MEI4: variants seen among roughly 807,000 people sequenced by gnomAD.
MEI4 encodes meiosis-specific protein MEI4.
A neutral mutation model predicts 31.4 loss-of-function variants in MEI4; 27 were observed. That is an observed-to-expected ratio of 0.86 (90% confidence interval 0.63 to 1.19). The LOEUF is 1.19. MEI4 is among the 50% of genes most tolerant of loss of function. The pLI is 0.00. For synonymous variants in MEI4, 122 were observed against 145.4 expected (o/e 0.84, Z 1.16); for missense variants, 329 against 398.9 (o/e 0.82, Z 1.49).
At chr6:77,692,882 A>G (rs1168888639) in intron 2 of MEI4, among the ~76,000 whole-genome samples, 1 of 152,054 alleles carries the variant, frequency 6.6e-6, no homozygotes, top group Non-Finnish European at 1.5e-5. Context: ...TGCTAGAACT[A>G]CAGACACAGA....
intron 3 of MEI4, among the ~76,000 whole-genome samples, chr6:77,826,238 C>T (rs1769949079): frequency 1.3e-5 from 2 of 152,166 alleles, no homozygotes; most frequent in African/African-American, 4.8e-5. Flanking sequence ...TACAATCAGG[C>T]AGGCACAGTT....
chr6:77,808,780 GA>G (rs1769502416), intron 3 of MEI4, among the ~76,000 whole-genome samples: 1 of 152,152 alleles, frequency 6.6e-6, no homozygotes, highest in African/African-American at 2.4e-5. Context: ...AGAAAGGAAA[GA>G]AACAGGATAA....
intron 4 of MEI4, among the ~76,000 whole-genome samples, chr6:77,890,128 G>C (rs759893440): frequency 6.6e-6 from 1 of 152,232 alleles, no homozygotes; most frequent in Non-Finnish European, 1.5e-5. Context: ...TAGTGGAACT[G>C]TCAGAAGAGG....
intron 4 of MEI4, among the ~76,000 whole-genome samples, chr6:77,851,527 G>T (rs566296452): frequency 1.3e-5 from 2 of 150,122 alleles, no homozygotes; most frequent in Admixed American, 6.7e-5. Flanking sequence ...ACAAACTATC[G>T]CAAGGACAAA....
intron 2 of MEI4, among the ~76,000 whole-genome samples, chr6:77,740,206 T>C (rs1582085532): frequency 6.6e-6 from 1 of 151,930 alleles, no homozygotes; most frequent in Admixed American, 6.6e-5. Flanking sequence ...TGCTGAGGAG[T>C]TTTTTATGTT....
chr6:77,914,122 T>G (rs1273503155), intron 4 of MEI4, among the ~76,000 whole-genome samples: 1 of 151,924 alleles, frequency 6.6e-6, no homozygotes, highest in Non-Finnish European at 1.5e-5. Flanking sequence ...TTATTAGTTT[T>G]TTTTTTCTAT....
At chr6:77,806,414 A>C (rs1390361506) in intron 3 of MEI4, among the ~76,000 whole-genome samples, 2 of 152,162 alleles carry the variant, frequency 1.3e-5, no homozygotes, top group African/African-American at 4.8e-5. Context: ...TGATAAACAG[A>C]GAATTTAAGG....
At chr6:77,760,412 C>G (rs947249895) in intron 2 of MEI4, among the ~76,000 whole-genome samples, 2 of 151,592 alleles carry the variant, frequency 1.3e-5, no homozygotes, top group Non-Finnish European at 2.9e-5. Flanking sequence ...TAAATTCACT[C>G]TACACTTTAC....
intron 2 of MEI4, among the ~76,000 whole-genome samples, chr6:77,735,728 A>G (rs1226660967): frequency 6.6e-6 from 1 of 151,724 alleles, no homozygotes; most frequent in African/African-American, 2.4e-5. Flanking sequence ...TAGAGTTTTC[A>G]GTTTTTCTGC....
chr6:77,736,743 A>C (rs924673353), intron 2 of MEI4, among the ~76,000 whole-genome samples: 1 of 152,092 alleles, frequency 6.6e-6, no homozygotes, highest in Non-Finnish European at 1.5e-5. Context: ...AGCATCACAC[A>C]GTCTAGTGAG....
rs146993937 is a variant in MEI4, at chr6:77,776,144, A to T, written c.768+14479A>T. On this transcript the variant is annotated intron_variant, in intron 3 of 4. Coordinates refer to ENST00000684080, the MANE Select transcript of MEI4 (RefSeq NM_001322247.2). ...CTCCCACTCTCTGGGATGTCTGTTT[A>T]CTCTGCTAATTGTTTTTTTTTTGTT... Among the ~76,000 whole-genome samples the T allele has an allele frequency of 1.6e-3, 230 of 143,892 alleles. 1 individual carries two copies. Among genetic ancestry groups the T allele is most frequent in the African/African-American group, 4.9e-3 (190 of 39,100 alleles). The allele number at this position is 143,892 out of a possible 152,430, so 94.4% of individuals were successfully genotyped here. A position where few individuals can be genotyped will look rare whatever the true frequency, so the allele number is the denominator to read the frequency against.
In MEI4 at chr6:77,724,934, G is replaced by A. The variant is rs967039729; in HGVS notation, c.232+34031G>A. Among the ~76,000 whole-genome samples, 9 of 144,156 alleles carry A rather than the reference G, an allele frequency of 6.2e-5. 1 individual carries two copies. Among genetic ancestry groups the A allele is most frequent in the South Asian group, 4.3e-4 (2 of 4,600 alleles). The allele number at this position is 144,156 out of a possible 152,430, so 94.6% of individuals were successfully genotyped here. ...TCTTTTCATTACAATCTATTATACC[G>A]CTTCCAGGGGCATCAGAAACTGAAA... On this transcript the variant is annotated intron_variant, in intron 2 of 4. Coordinates refer to ENST00000684080, the MANE Select transcript of MEI4 (RefSeq NM_001322247.2).
At chr6:77,788,855 T>C (rs966457522) in intron 3 of MEI4, among the ~76,000 whole-genome samples, 3 of 152,140 alleles carry the variant, frequency 2.0e-5, no homozygotes, top group Non-Finnish European at 4.4e-5. Flanking sequence ...TTCAATGCCA[T>C]CCCCATCTAG....
chr6:77,711,857 A>G (rs1457773444), intron 2 of MEI4, among the ~76,000 whole-genome samples: 1 of 152,190 alleles, frequency 6.6e-6, no homozygotes, highest in African/African-American at 2.4e-5. Context: ...ACCTTTTGTT[A>G]TCATATGTGG....
intron 1 of MEI4, among the ~76,000 whole-genome samples, chr6:77,683,733 A>C (rs1769000700): frequency 6.6e-6 from 1 of 152,172 alleles, no homozygotes; most frequent in Non-Finnish European, 1.5e-5. Flanking sequence ...ATTTGTTTCT[A>C]AAGACTGAAT....
intron 4 of MEI4, among the ~76,000 whole-genome samples, chr6:77,889,850 A>G (rs1004419473): frequency 6.6e-6 from 1 of 152,248 alleles, no homozygotes; most frequent in East Asian, 1.9e-4. Context: ...AAAAGGGGCC[A>G]AGGTACAGCT....
intron 1 of MEI4, among the ~76,000 whole-genome samples, chr6:77,687,378 G>A (rs528720412): frequency 6.6e-6 from 1 of 152,192 alleles, no homozygotes; most frequent in African/African-American, 2.4e-5. Context: ...TCTTTCCTCA[G>A]TGAAACAGAG....
At chr6:77,793,229 CA>C (rs932026220) in intron 3 of MEI4, among the ~76,000 whole-genome samples, 1 of 151,992 alleles carries the variant, frequency 6.6e-6, no homozygotes, top group Non-Finnish European at 1.5e-5. Context: ...TTACAAGCCA[CA>C]AAGGAGGAGG....
intron 3 of MEI4, among the ~76,000 whole-genome samples, chr6:77,789,074 A>G (rs139465764): frequency 0.014 from 2,184 of 152,310 alleles, 53 homozygotes; most frequent in African/African-American, 0.05. Flanking sequence ...CAATGGAACC[A>G]GAACAGAGCC....
Sources: allele counts gnomAD v4.1 joint callset (sites outside exome capture counted in the v4.1 genomes callset), GRCh38; gene constraint gnomAD v4.1.1; transcripts MANE v1.5; gene names NCBI Gene and HGNC (gene_info 2026-07-23, HGNC 2026-07-21).